Variants in RIMBP2 observed in about 807,000 individuals in gnomAD.
RIMBP2 encodes RIMS-binding protein 2.
A neutral mutation model predicts 118.6 loss-of-function variants in RIMBP2; 48 were observed. The ratio of observed to expected loss-of-function variants is 0.40; its 90% CI spans 0.32 to 0.51. RIMBP2 has a LOEUF of 0.51. Among genes scored for constraint, RIMBP2 ranks in the 20% least tolerant of loss-of-function variants. The pLI, the probability that RIMBP2 is intolerant of heterozygous loss-of-function variation, is 0.41. For missense variants in RIMBP2, 1,551 were observed against 1,768.3 expected, an observed-to-expected ratio of 0.88 and a Z score of 2.20; for synonymous variants, 762 against 742.9, an observed-to-expected ratio of 1.03 and a Z score of -0.42.
At chr12:130,461,332 G>T (rs1475491809) in intron 6 of RIMBP2, among the ~76,000 whole-genome samples, 1 of 152,300 alleles carries the variant, frequency 6.6e-6, no homozygotes, top group African/African-American at 2.4e-5. Context: ...AGACTGGCAG[G>T]GGTGCCAGCA....
intron 4 of RIMBP2, among the ~76,000 whole-genome samples, chr12:130,496,724 G>A (rs533994758): frequency 3.2e-4 from 49 of 152,238 alleles, no homozygotes; most frequent in African/African-American, 1.2e-3. Context: ...GCCTCCTTCA[G>A]GCACACCTTT....
intron 2 of RIMBP2, among the ~76,000 whole-genome samples, chr12:130,604,215 A>G (rs2060031134): frequency 6.6e-6 from 1 of 150,994 alleles, no homozygotes; most frequent in African/African-American, 2.4e-5. Flanking sequence ...AAAGAAAAGG[A>G]TTTTTGTGCA....
chr12:130,643,251 G>A (rs891455127), intron 1 of RIMBP2, among the ~76,000 whole-genome samples: 5 of 152,196 alleles, frequency 3.3e-5, no homozygotes, highest in African/African-American at 7.2e-5. Context: ...CCCTGGCCCC[G>A]GGTGCACGGG....
intron 1 of RIMBP2, among the ~76,000 whole-genome samples, chr12:130,715,079 T>G (rs1322827101): frequency 6.6e-6 from 1 of 152,164 alleles, no homozygotes; most frequent in Non-Finnish European, 1.5e-5. Context: ...CCACCGATCT[T>G]CCATTTTCAG....
At chr12:130,408,111 T>G (rs565302912) in intron 19 of RIMBP2, among the ~76,000 whole-genome samples, 11 of 152,200 alleles carry the variant, frequency 7.2e-5, no homozygotes, top group Non-Finnish European at 1.6e-4. Context: ...GAGACTCACA[T>G]GAAGCACGGG....
chr12:130,449,493 G>A (rs551990365), intron 9 of RIMBP2, among the ~76,000 whole-genome samples: 4 of 152,248 alleles, frequency 2.6e-5, no homozygotes, highest in East Asian at 1.9e-4. Flanking sequence ...AGCCTGCAGC[G>A]CCCAGCAGAG....
intron 3 of RIMBP2, among the ~76,000 whole-genome samples, chr12:130,515,001 A>C (rs1288155347): frequency 1.1e-4 from 17 of 151,956 alleles, no homozygotes; most frequent in Admixed American, 7.9e-4. Context: ...CTCAGCCTCC[A>C]GAGTAGCTGG....
Position 130,399,536 on chromosome 12 carries a change from C to T in RIMBP2, c.3900+143G>A, listed in dbSNP as rs561632353. On this transcript the variant is annotated intron_variant, in intron 22 of 22. Coordinates refer to ENST00000690449, the MANE Select transcript of RIMBP2 (RefSeq NM_001393629.1). ...ATTAAGAATTTTTAGGTACAACTCC[C>T]ATGGCTTCAGGGCAGAGAAAAAAAA... is the stretch of plus-strand genomic sequence containing the variant. 4.4e-5 allele frequency: 38 copies of T among 855,728 alleles called. No individual in the cohort carries two copies. The South Asian group carries it at 8.1e-4, about 18-fold the overall frequency. 53.0% of individuals were successfully genotyped at this position (855,728 alleles called of 1,614,324 possible).
At chr12:130,662,649 C>T (rs1005277556) in intron 1 of RIMBP2, among the ~76,000 whole-genome samples, 16 of 150,980 alleles carry the variant, frequency 1.1e-4, no homozygotes, top group African/African-American at 2.9e-4. Context: ...AGCAAGACTC[C>T]GTCTCAAAAA....
intron 1 of RIMBP2, among the ~76,000 whole-genome samples, chr12:130,634,487 T>TG (rs1173991890): frequency 3.9e-5 from 6 of 152,170 alleles, no homozygotes; most frequent in African/African-American, 9.7e-5. Context: ...AGTCTCTGAC[T>TG]GGGGGTCTTT....
rs114690220 is a variant in RIMBP2 at position 130,651,059 on chromosome 12, T to C, written c.-351-22603A>G. ...CTGAGAAAGCTTCCGAGCCACTTAT[T>C]TCTGTTGAGAATGAAGAACTACAGC... On this transcript the variant is annotated intron_variant, in intron 1 of 22. Coordinates refer to ENST00000690449, the MANE Select transcript of RIMBP2 (RefSeq NM_001393629.1). Among the ~76,000 whole-genome samples, 1,265 of 152,078 alleles carry C rather than the reference T, an allele frequency of 8.3e-3. 11 individuals are homozygous for C. The highest frequency in any genetic ancestry group is 0.065 in the Middle Eastern group (19 of 294).
At chr12:130,483,762 C>T (rs1351036387) in intron 4 of RIMBP2, among the ~76,000 whole-genome samples, 2 of 147,078 alleles carry the variant, frequency 1.4e-5, no homozygotes, top group South Asian at 2.4e-4. Flanking sequence ...TGCCCGGAGC[C>T]CCCATCCCTC....
chr12:130,628,615 G>A (rs2061788240), intron 1 of RIMBP2, among the ~76,000 whole-genome samples, 159 bp from the exon 2 acceptor site: 1 of 152,204 alleles, frequency 6.6e-6, no homozygotes, highest in Non-Finnish European at 1.5e-5. Context: ...GTGAGGGACA[G>A]ATTTGAAACT....
intron 2 of RIMBP2, among the ~76,000 whole-genome samples, chr12:130,603,406 A>T (rs11061018): frequency 1.3e-5 from 2 of 152,200 alleles, no homozygotes; most frequent in Non-Finnish European, 2.9e-5. Flanking sequence ...AAGCACCTGC[A>T]TCATGGAAGA....
chr12:130,439,987 T>G, intron 11 of RIMBP2, among the ~76,000 whole-genome samples: 1 of 151,504 alleles, frequency 6.6e-6, no homozygotes, highest in African/African-American at 2.4e-5. Flanking sequence ...GTGTGGGGTG[T>G]GTGTGAGTAT....
chr12:130,561,333 T>G (rs550984797), intron 2 of RIMBP2, among the ~76,000 whole-genome samples: 2 of 152,254 alleles, frequency 1.3e-5, no homozygotes, highest in South Asian at 4.1e-4. Context: ...TCCAACATAT[T>G]TTATGTCTTC....
intron 2 of RIMBP2, among the ~76,000 whole-genome samples, chr12:130,555,069 T>C (rs1043033715): frequency 2.0e-5 from 3 of 152,174 alleles, no homozygotes; most frequent in African/African-American, 7.2e-5. Context: ...ATTATCCCCA[T>C]CTTAGAGAGA....
intron 14 of RIMBP2, chr12:130,432,211 G>C: frequency 2.2e-6 from 1 of 456,576 alleles, no homozygotes; most frequent in Non-Finnish European, 4.4e-6. Flanking sequence ...ATGGGGAAAG[G>C]CGTGGAAACA....
At chr12:130,598,407 A>G (rs942331030) in intron 2 of RIMBP2, among the ~76,000 whole-genome samples, 1 of 152,200 alleles carries the variant, frequency 6.6e-6, no homozygotes, top group African/African-American at 2.4e-5. Flanking sequence ...ATTAAAATGC[A>G]AGGGATGTAA....
Sources: gnomAD v4.1 joint callset for allele counts (sites outside exome capture counted in the v4.1 genomes callset) on GRCh38, gnomAD v4.1.1 for gene constraint, MANE v1.5 for transcripts, NCBI Gene and HGNC (gene_info 2026-07-23, HGNC 2026-07-21) for gene names.